Variants in ARHGEF28 observed in about 807,000 individuals in gnomAD.
ARHGEF28 encodes the protein Rho guanine nucleotide exchange factor 28, also known as 190 kDa guanine nucleotide exchange factor.
ARHGEF28 carries 152 observed loss-of-function variants against 206.6 expected under a neutral mutation model. The observed-to-expected ratio is 0.74, with a 90% CI of 0.64 to 0.84. The LOEUF (loss-of-function observed/expected upper bound fraction) is 0.84. ARHGEF28 is among the 40% of genes least tolerant of loss of function. The pLI is 0.00. For missense variants in ARHGEF28, 2,028 were observed against 2,073.2 expected, an observed-to-expected ratio of 0.98 and a Z score of 0.42; for synonymous variants, 763 against 776.4, an observed-to-expected ratio of 0.98 and a Z score of 0.29.
At chr5:73,668,846 C>T (rs974059506) in intron 1 of ARHGEF28, among the ~76,000 whole-genome samples, 2 of 152,182 alleles carry the variant, frequency 1.3e-5, no homozygotes, top group Admixed American at 1.3e-4. Flanking sequence ...TTTGTCTGTT[C>T]AGTCTATTCA....
At chr5:73,925,076 G>A (rs1763724316) in intron 35 of ARHGEF28, among the ~76,000 whole-genome samples, 1 of 152,102 alleles carries the variant, frequency 6.6e-6, no homozygotes, top group Non-Finnish European at 1.5e-5. Context: ...ATAGAGCTTT[G>A]TTTAGCCCCC....
At chr5:73,749,675 C>G (rs1751921456) in intron 2 of ARHGEF28, among the ~76,000 whole-genome samples, 162 bp from the exon 3 acceptor site, 1 of 152,168 alleles carries the variant, frequency 6.6e-6, no homozygotes, top group East Asian at 1.9e-4. Flanking sequence ...TCCCTAATGT[C>G]AAATGTGTTG....
intron 33 of ARHGEF28, chr5:73,908,259 A>G (rs1180248407): frequency 6.6e-6 from 1 of 152,216 alleles, no homozygotes; most frequent in Non-Finnish European, 1.5e-5. Context: ...ACAAGTATGA[A>G]TTTAAAATAT....
At chr5:73,699,056 C>G (rs796553178) in intron 2 of ARHGEF28, among the ~76,000 whole-genome samples, 142 of 152,142 alleles carry the variant, frequency 9.3e-4, no homozygotes, top group African/African-American at 2.7e-3. Flanking sequence ...TTTTGCGAAC[C>G]CTTTTCTTTG....
chr5:73,649,246 C>A (rs1217781753), intron 1 of ARHGEF28, among the ~76,000 whole-genome samples: 1 of 152,012 alleles, frequency 6.6e-6, no homozygotes, highest in East Asian at 1.9e-4. Flanking sequence ...ACTCATGTGG[C>A]TTTTGATATA....
At chr5:73,685,316 C>T (rs968901172) in intron 2 of ARHGEF28, among the ~76,000 whole-genome samples, 3 of 151,984 alleles carry the variant, frequency 2.0e-5, no homozygotes, top group East Asian at 3.9e-4. Flanking sequence ...TGGGAGTTGG[C>T]GCTGGGGGGG....
At chr5:73,723,376 C>T (rs988926275) in intron 2 of ARHGEF28, among the ~76,000 whole-genome samples, 9 of 152,106 alleles carry the variant, frequency 5.9e-5, no homozygotes, top group African/African-American at 1.2e-4. Flanking sequence ...TTAGTAGAGA[C>T]GGGGTTTCAC....
intron 23 of ARHGEF28, among the ~76,000 whole-genome samples, chr5:73,882,941 T>G (rs1309823543): frequency 6.6e-6 from 1 of 152,174 alleles, no homozygotes; most frequent in Non-Finnish European, 1.5e-5. Context: ...TGAAGCAGAT[T>G]CATGACATCA....
chr5:73,882,506 T>C lies in ARHGEF28; in HGVS notation c.2849T>C (p.Ile950Thr). 2 of 1,480,366 alleles carry C rather than the reference T, an allele frequency of 1.4e-6. No homozygotes were observed. Among genetic ancestry groups the C allele is most frequent in the African/African-American group, 1.4e-5 (1 of 70,452 alleles). 91.7% of individuals were successfully genotyped at this position (1,480,366 alleles called of 1,614,324 possible). ...GAAAATGCAAGTAAAATGAAGAAAA[T>C]ATATGGAGAATTCTGTTGCCATCAT... ...SEENASKMKK[I>T]YGEFCCHHKE... The change falls in exon 23 of 36, where the codon ATA becomes ACA. Residue 950 changes from isoleucine to threonine, a missense_variant. Physicochemically the swap from Ile to Thr is moderately conservative, Grantham distance 89 (BLOSUM62 -1). Coordinates refer to ENST00000513042, the MANE Select transcript of ARHGEF28 (RefSeq NM_001177693.2).
At chr5:73,732,439 C>T (rs1750676654) in intron 2 of ARHGEF28, among the ~76,000 whole-genome samples, 1 of 152,020 alleles carries the variant, frequency 6.6e-6, no homozygotes, top group South Asian at 2.1e-4. Context: ...ACGCTAATAC[C>T]ATCAACTGGA....
intron 20 of ARHGEF28, among the ~76,000 whole-genome samples, chr5:73,869,217 T>TGGG (rs1580010686): frequency 1.3e-4 from 1 of 7,614 alleles, no homozygotes; most frequent in African/African-American, 7.5e-4. Flanking sequence ...AGTGTGTGTG[T>TGGG]GGGGTGGAGG....
At chr5:73,780,590 A>G (rs763980114) in intron 6 of ARHGEF28, 86 bp from the exon 7 acceptor site, 2 of 1,330,574 alleles carry the variant, frequency 1.5e-6, no homozygotes, top group Non-Finnish European at 2.1e-6. Flanking sequence ...GATCATTGAT[A>G]GTGACTTTTG....
chr5:73,801,155 A>G (rs1268053352), intron 9 of ARHGEF28, among the ~76,000 whole-genome samples: 1 of 152,368 alleles, frequency 6.6e-6, no homozygotes, highest in East Asian at 1.9e-4. Flanking sequence ...ATGTTTTTAA[A>G]GAGGATCTTG....
At chr5:73,857,353 T>C (rs1759110133) in intron 14 of ARHGEF28, among the ~76,000 whole-genome samples, 1 of 152,206 alleles carries the variant, frequency 6.6e-6, no homozygotes, top group Admixed American at 6.5e-5. Flanking sequence ...TATTTTATTA[T>C]GAAAATTTTC....
intron 25 of ARHGEF28, among the ~76,000 whole-genome samples, chr5:73,887,317 C>G (rs1761359741): frequency 6.6e-6 from 1 of 152,098 alleles, no homozygotes; most frequent in Non-Finnish European, 1.5e-5. Context: ...AGAGTTTGCT[C>G]CATTTTATTA....
intron 1 of ARHGEF28, among the ~76,000 whole-genome samples, chr5:73,661,396 C>A (rs975763529): frequency 6.6e-5 from 10 of 152,270 alleles, no homozygotes; most frequent in Admixed American, 4.6e-4. Context: ...TTCTCCGTAT[C>A]AGCAATAAGG....
chr5:73,628,685 A>G (rs186937298), intron 1 of ARHGEF28, among the ~76,000 whole-genome samples: 120 of 152,324 alleles, frequency 7.9e-4, no homozygotes, highest in Non-Finnish European at 1.3e-3. Flanking sequence ...GGATGTAAAA[A>G]CAGTGTTACA....
At chr5:73,864,037 T>C (rs1040664299) in intron 16 of ARHGEF28, among the ~76,000 whole-genome samples, 6 of 152,134 alleles carry the variant, frequency 3.9e-5, no homozygotes, top group African/African-American at 1.4e-4. Context: ...TCTGCATACA[T>C]TTCTGATGCA....
chr5:73,821,132 T>C (rs556685978), intron 9 of ARHGEF28, among the ~76,000 whole-genome samples: 15 of 152,204 alleles, frequency 9.9e-5, no homozygotes, highest in Admixed American at 3.3e-4. Flanking sequence ...ACCTACCCGG[T>C]AGTATCTCGG....
Sources: allele counts gnomAD v4.1 joint callset (sites outside exome capture counted in the v4.1 genomes callset), GRCh38; gene constraint gnomAD v4.1.1; transcripts MANE v1.5; gene names NCBI Gene and HGNC (gene_info 2026-07-23, HGNC 2026-07-21).